The following TMEM245 variants were observed in gnomAD, a reference collection of about 807,000 sequenced individuals.
TMEM245 encodes the protein protein CG-2.
A neutral mutation model predicts 101.2 loss-of-function variants in TMEM245; 69 were observed. The observed-to-expected ratio is 0.68, with a 90% CI of 0.56 to 0.83. The LOEUF (loss-of-function observed/expected upper bound fraction) is 0.83, where lower values mean the gene tolerates loss of function less well. Ranked by LOEUF, TMEM245 falls within the 40% of genes least tolerant of loss-of-function variation. The probability of loss-of-function intolerance (pLI) is 0.00; values close to 1 mark genes in which losing one functional copy is unlikely to be tolerated. For synonymous variants in TMEM245, 537 were observed against 449.8 expected, an observed-to-expected ratio of 1.19 and a Z score of -2.45; for missense variants, 1,075 against 1,092.8, an observed-to-expected ratio of 0.98 and a Z score of 0.23.
intron 3 of TMEM245, among the ~76,000 whole-genome samples, chr9:109,093,876 TAAC>T (rs1207802701): frequency 6.6e-6 from 1 of 152,232 alleles, no homozygotes; most frequent in African/African-American, 2.4e-5. Flanking sequence ...TTACATTTGT[TAAC>T]AAGTTGATTT....
intron 2 of TMEM245, among the ~76,000 whole-genome samples, chr9:109,106,935 C>A (rs955257581): frequency 6.6e-6 from 1 of 152,100 alleles, no homozygotes; most frequent in Non-Finnish European, 1.5e-5. Flanking sequence ...TACTTCACCC[C>A]AGAATGACCA....
At chr9:109,048,642 G>A (rs1054198062) in intron 14 of TMEM245, among the ~76,000 whole-genome samples, 2 of 152,168 alleles carry the variant, frequency 1.3e-5, no homozygotes, top group Non-Finnish European at 2.9e-5. Context: ...ATGTAGTTGA[G>A]TCTTGTTAAT....
intron 3 of TMEM245, among the ~76,000 whole-genome samples, chr9:109,103,810 G>A (rs957814079): frequency 1.3e-5 from 2 of 152,194 alleles, no homozygotes; most frequent in Non-Finnish European, 2.9e-5. Flanking sequence ...AATGGACAGG[G>A]CGTGGTGGCT....
Position 109,032,365 on chromosome 9 carries a change from C to CT in TMEM245, c.2594+941dup, listed in dbSNP as rs755399182. 7.0e-3 allele frequency among the ~76,000 whole-genome samples: 286 copies of CT among 40,964 alleles called. 86 individuals carry two copies. The highest frequency in any genetic ancestry group is 0.042 in the Middle Eastern group (2 of 48). 26.9% of individuals were successfully genotyped at this position (40,964 alleles called of 152,430 possible). A position where few individuals can be genotyped will look rare whatever the true frequency, so the allele number is the denominator to read the frequency against. ...GCATTTGGTTGTCCTATTTCTTTTCCTTTTTTTTTTTTTTTTTTTTTTTTT... is the reference window on the plus strand; with the variant it reads ...GCATTTGGTTGTCCTATTTCTTTTCCTTTTTTTTTTTTTTTTTTTTTTTTTT... On this transcript the variant is annotated intron_variant, in intron 17 of 17. Transcript: ENST00000374586.
chr9:109,061,678 C>G (rs986284082), intron 10 of TMEM245, among the ~76,000 whole-genome samples: 1 of 152,004 alleles, frequency 6.6e-6, no homozygotes, highest in African/African-American at 2.4e-5. Context: ...GAGCAATTCT[C>G]CTGTCTCAGC....
chr9:109,057,921 CTTTCT>C (rs1187876316), intron 11 of TMEM245, among the ~76,000 whole-genome samples: 20 of 120,900 alleles, frequency 1.7e-4, no homozygotes, highest in Non-Finnish European at 1.8e-4. Context: ...ACAGCATTTA[CTTTCT>C]TTTTTTTTTT....
At chr9:109,021,709 G>A (rs1827629071) in intron 17 of TMEM245, among the ~76,000 whole-genome samples, 1 of 152,058 alleles carries the variant, frequency 6.6e-6, no homozygotes, top group Non-Finnish European at 1.5e-5. Flanking sequence ...AGGCTAAGGT[G>A]GGAGGATCAC....
intron 10 of TMEM245, 56 bp from the exon 11 acceptor site, chr9:109,060,508 A>C (rs1235778508): frequency 1.7e-6 from 2 of 1,196,002 alleles, no homozygotes; most frequent in African/African-American, 3.0e-5. Context: ...AACAGAGTAA[A>C]ATTAATATAT....
At chr9:109,088,819 A>T (rs77070165) in intron 5 of TMEM245, among the ~76,000 whole-genome samples, 16 of 115,696 alleles carry the variant, frequency 1.4e-4, no homozygotes, top group Non-Finnish European at 8.6e-5. Flanking sequence ...ACATCTCAAA[A>T]AAAAAAAAAA....
chr9:109,086,260 C>A (rs1829833202), intron 6 of TMEM245, among the ~76,000 whole-genome samples: 1 of 152,162 alleles, frequency 6.6e-6, no homozygotes, highest in South Asian at 2.1e-4. Flanking sequence ...GGGAATCCAA[C>A]AATTAAAAAT....
At position 109,119,472 on chromosome 9, in the gene TMEM245, G is replaced by A. The variant is rs1234571501; in HGVS notation, c.442C>T (p.Leu148=). Residue 148 remains leucine (L), a synonymous_variant, in exon 1 of 18, where the codon CTG becomes TTG. Transcript: ENST00000374586. Reference sequence around the variant, plus strand: ...CCGCCGGCGCCGAGCAGCAGGAGCAGGCGGCGGCGGCGCAGCGCCTGCTCG... The same window carrying A: ...CCGCCGGCGCCGAGCAGCAGGAGCAAGCGGCGGCGGCGCAGCGCCTGCTCG... The part of the protein sequence containing the change: ...LGEQALRRRR[L]LLLLGAGGPL... 6.7e-7 allele frequency: 1 copy of A among 1,485,266 alleles called. No individual in the cohort carries two copies. The highest frequency in any genetic ancestry group is 8.9e-7 in the Non-Finnish European group (1 of 1,128,218). The allele number at this position is 1,485,266 out of a possible 1,614,324, so 92.0% of individuals were successfully genotyped here.
chr9:109,057,344 A>C (rs774714698), intron 11 of TMEM245, 22 bp from the exon 12 acceptor site: 1 of 1,601,038 alleles, frequency 6.2e-7, no homozygotes, highest in South Asian at 1.1e-5. Flanking sequence ...AACAGTGCAG[A>C]CATGAAATTC....
chr9:109,108,443 A>AAAAT lies in TMEM245; in HGVS notation c.697+9_697+10insATTT. On this transcript the variant is annotated intron_variant, in intron 2 of 17. Transcript: ENST00000374586. Reference sequence around the variant, plus strand: ...CTTAAAAAAAAAAAAAAAAAAAAGAAGGAACCCACCTAAATGAAAAAGCAA... The same window carrying AAAAT: ...CTTAAAAAAAAAAAAAAAAAAAAGAAAAATGGAACCCACCTAAATGAAAAAGCAA... 2.1e-6 allele frequency: 3 copies of AAAAT among 1,443,832 alleles called. No homozygotes were observed. Among genetic ancestry groups the AAAAT allele is most frequent in the Non-Finnish European group, 2.8e-6 (3 of 1,069,386 alleles). The allele number at this position is 1,443,832 out of a possible 1,614,324, so 89.4% of individuals were successfully genotyped here.
intron 3 of TMEM245, among the ~76,000 whole-genome samples, chr9:109,099,669 C>T (rs1389800958): frequency 4.6e-5 from 7 of 152,162 alleles, no homozygotes; most frequent in Admixed American, 2.0e-4. Flanking sequence ...AAGAGTCTAA[C>T]ACAGCCTTAC....
At chr9:109,094,902 G>A (rs1365994648) in intron 3 of TMEM245, among the ~76,000 whole-genome samples, 2 of 152,084 alleles carry the variant, frequency 1.3e-5, no homozygotes, top group Non-Finnish European at 1.5e-5. Flanking sequence ...TCAGAAAGCC[G>A]ATGAATTTCA....
chr9:109,074,236 C>T (rs943385385), intron 8 of TMEM245, among the ~76,000 whole-genome samples: 1 of 151,948 alleles, frequency 6.6e-6, no homozygotes, highest in Non-Finnish European at 1.5e-5. Flanking sequence ...CAATAACCAA[C>T]AAATTGAGGG....
At position 109,034,879 on chromosome 9, in the gene TMEM245, G is replaced by A. The variant is rs183159853; in HGVS notation, c.2399+1327C>T. 1.2e-3 allele frequency among the ~76,000 whole-genome samples: 179 copies of A among 152,106 alleles called. 2 individuals carry two copies. The highest frequency in any genetic ancestry group is 9.1e-4 in the Non-Finnish European group (62 of 67,986). The stretch of plus-strand genomic sequence containing the variant: ...ACGTTTAAAGACAGTATTTTAGGCC[G>A]GGCATCGTGGCTCATGCCTGTAATC... On this transcript the variant is annotated intron_variant, in intron 16 of 17. Transcript: ENST00000374586.
chr9:109,113,377 T>C (rs1261617819), intron 1 of TMEM245, among the ~76,000 whole-genome samples: 3 of 152,238 alleles, frequency 2.0e-5, no homozygotes, highest in African/African-American at 7.2e-5. Context: ...TATTCAAGTG[T>C]GAATTTTATT....
chr9:109,114,174 T>C (rs1380706542), intron 1 of TMEM245, among the ~76,000 whole-genome samples: 1 of 152,174 alleles, frequency 6.6e-6, no homozygotes, highest in Non-Finnish European at 1.5e-5. Flanking sequence ...CTGCTTCAGG[T>C]CCTTAAATTA....
Sources: allele counts gnomAD v4.1 joint callset (sites outside exome capture counted in the v4.1 genomes callset), GRCh38; gene constraint gnomAD v4.1.1; transcripts MANE v1.5; gene names NCBI Gene and HGNC (gene_info 2026-07-23, HGNC 2026-07-21).